The following CTXN1 variants were observed in gnomAD, a reference collection of about 807,000 sequenced individuals.
CTXN1 encodes the protein cortexin 1.
A neutral mutation model predicts 5.5 loss-of-function variants in CTXN1; 4 were observed. That is an observed-to-expected ratio of 0.73 (90% CI 0.36 to 1.68). The LOEUF (loss-of-function observed/expected upper bound fraction) is 1.68, where lower values mean the gene tolerates loss of function less well. CTXN1 is among the 40% of genes most tolerant of loss of function. The pLI, the probability that CTXN1 is intolerant of heterozygous loss-of-function variation, is 0.05. For missense variants in CTXN1, 111 were observed against 123.0 expected, an observed-to-expected ratio of 0.90 and a Z score of 0.46; for synonymous variants, 67 against 62.8, an observed-to-expected ratio of 1.07 and a Z score of -0.32.
In CTXN1 at chr19:7,925,774, C is replaced by T. The variant is rs1983766074; in HGVS notation, c.-21+193G>A. Among the ~76,000 whole-genome samples the T allele has an allele frequency of 6.6e-6, 1 of 151,488 alleles. No homozygotes were observed. Among genetic ancestry groups the T allele is most frequent in the East Asian group, 1.9e-4 (1 of 5,156 alleles). ...GCGGGGACCCAACTCTGGCCGTGCG[C>T]GCAGGTGGGGGCGCTGAGAGCCGGG... is the stretch of plus-strand genomic sequence containing the variant. On this transcript the variant is annotated intron_variant, in intron 1 of 1. Transcript: ENST00000318978. This position sits in a 1 kb window ranked among gnomAD's most constrained non-coding sequence, Gnocchi z 5.0.
rs1189402330 is a variant in CTXN1, at chr19:7,925,781, G to T, written c.-21+186C>A. Among the ~76,000 whole-genome samples, 1 of 151,470 alleles carries T rather than the reference G, an allele frequency of 6.6e-6. No individual in the cohort carries two copies. Among genetic ancestry groups the T allele is most frequent in the African/African-American group, 2.4e-5 (1 of 41,358 alleles). On this transcript the variant is annotated intron_variant, in intron 1 of 1. Coordinates refer to ENST00000318978, the MANE Select transcript of CTXN1 (RefSeq NM_206833.4). The surrounding 1 kb of genome is among the most constrained non-coding windows in gnomAD (Gnocchi z 5.0). ...CCCAACTCTGGCCGTGCGCGCAGGT[G>T]GGGGCGCTGAGAGCCGGGAAACGGA...
Position 7,925,370 on chromosome 19 carries a change from A to AG in CTXN1, c.168dup (p.Tyr57LeufsTer120), listed in dbSNP as rs1568291640. ...CAGGACGAGGCGGGCATGCGGCTGTAGGGGTCGAGCAGGATGCGCACGCAG... is the reference window on the plus strand; with the variant it reads ...CAGGACGAGGCGGGCATGCGGCTGTAGGGGGTCGAGCAGGATGCGCACGCAG... On this transcript the variant is annotated frameshift_variant, in exon 2 of 2. Transcript: ENST00000318978. LOFTEE classifies it high-confidence loss of function. This position sits in a 1 kb window ranked among gnomAD's most constrained non-coding sequence, Gnocchi z 5.0. 4.4e-6 allele frequency: 7 copies of AG among 1,581,434 alleles called. No individual in the cohort carries two copies. The highest frequency in any genetic ancestry group is 5.1e-6 in the Non-Finnish European group (6 of 1,169,280).
At position 7,925,063 on chromosome 19, in the gene CTXN1, G is replaced by A; in HGVS notation, c.*227C>T. 1 of 366,340 alleles carries A rather than the reference G, an allele frequency of 2.7e-6. No homozygotes were observed. The highest frequency in any genetic ancestry group is 4.9e-6 in the Non-Finnish European group (1 of 206,016). 22.7% of individuals were successfully genotyped at this position (366,340 alleles called of 1,614,324 possible). A position where few individuals can be genotyped will look rare whatever the true frequency, so the allele number is the denominator to read the frequency against. Reference sequence around the variant, plus strand: ...GGCGGGTGAGATGCGCAGAGAGGAAGGGACAGGGCGGATAAAGGCACGAGG... The same window carrying A: ...GGCGGGTGAGATGCGCAGAGAGGAAAGGACAGGGCGGATAAAGGCACGAGG... On this transcript the variant is annotated 3_prime_UTR_variant, in exon 2 of 2. Coordinates refer to ENST00000318978, the MANE Select transcript of CTXN1 (RefSeq NM_206833.4). This position sits in a 1 kb window ranked among gnomAD's most constrained non-coding sequence, Gnocchi z 5.0.
Position 7,925,541 on chromosome 19 carries a change from C to A in CTXN1, c.-3G>T. 1 of 1,406,330 alleles carries A rather than the reference C, an allele frequency of 7.1e-7. No homozygotes were observed. 87.1% of individuals were successfully genotyped at this position (1,406,330 alleles called of 1,614,324 possible). ...GACAGCGTCCACGTCGCGCTCATGG[C>A]TCACATCGCCGCGCGCCCTGCGGAG... On this transcript the variant is annotated 5_prime_UTR_variant, in exon 2 of 2. Transcript: ENST00000318978. This position sits in a 1 kb window ranked among gnomAD's most constrained non-coding sequence, Gnocchi z 5.0.
chr19:7,925,434 C>T lies in CTXN1; in HGVS notation c.105G>A (p.Val35=). ...DAEQRTVFAF[V]LCLLVVLVLL... The stretch of plus-strand genomic sequence containing the variant: ...GCACCAGCACCACGAGCAGGCAGAG[C>T]ACGAAGGCGAACACCGTGCGCTGCT... Residue 35 remains valine (V), a synonymous_variant, in exon 2 of 2, where the codon GTG becomes GTA. Transcript: ENST00000318978. The surrounding 1 kb of genome is among the most constrained non-coding windows in gnomAD (Gnocchi z 5.0). 2 of 1,586,782 alleles carry T rather than the reference C, an allele frequency of 1.3e-6. No homozygotes were observed. Among genetic ancestry groups the T allele is most frequent in the South Asian group, 2.3e-5 (2 of 88,690 alleles).
rs1983745708 is a variant in CTXN1, at chr19:7,925,248, CTGAGACCCCGGCGCAGGGCCGGCTAGG to C, written c.*15_*41del. On this transcript the variant is annotated 3_prime_UTR_variant, in exon 2 of 2. Coordinates refer to ENST00000318978, the MANE Select transcript of CTXN1 (RefSeq NM_206833.4). The surrounding 1 kb of genome is among the most constrained non-coding windows in gnomAD (Gnocchi z 5.0). ...CGGCGCCCCCCGCCGGGCCGGCCCTCTGAGACCCCGGCGCAGGGCCGGCTAGGGGGCGCCGCGCCCCTCACACCAACG... is the reference window on the plus strand; with the variant it reads ...CGGCGCCCCCCGCCGGGCCGGCCCTCGGGCGCCGCGCCCCTCACACCAACG... 2 of 1,271,162 alleles carry C rather than the reference CTGAGACCCCGGCGCAGGGCCGGCTAGG, an allele frequency of 1.6e-6. No individual in the cohort carries two copies. Among genetic ancestry groups the C allele is most frequent in the African/African-American group, 3.1e-5 (2 of 64,416 alleles). 78.7% of individuals were successfully genotyped at this position (1,271,162 alleles called of 1,614,324 possible).
Position 7,925,347 on chromosome 19 carries a change from G to A in CTXN1, c.192C>T (p.Ser64=), listed in dbSNP as rs1350115870. ...CGAGCGCCTCCTTGTGGTCGGTCCA[G>A]GACGAGGCGGGCATGCGGCTGTAGG... ...LDPYSRMPAS[S]WTDHKEALER... The change falls in exon 2 of 2, where the codon TCC becomes TCT. Residue 64 remains serine (S), a synonymous_variant. Coordinates refer to ENST00000318978, the MANE Select transcript of CTXN1 (RefSeq NM_206833.4). The surrounding 1 kb of genome is among the most constrained non-coding windows in gnomAD (Gnocchi z 5.0). 3.2e-6 allele frequency: 5 copies of A among 1,575,900 alleles called. No homozygotes were observed. Among genetic ancestry groups the A allele is most frequent in the Non-Finnish European group, 4.3e-6 (5 of 1,166,874 alleles).
In CTXN1 at chr19:7,925,227, G is replaced by A. The variant is rs936069640; in HGVS notation, c.*63C>T. On this transcript the variant is annotated 3_prime_UTR_variant, in exon 2 of 2. Transcript: ENST00000318978. This position sits in a 1 kb window ranked among gnomAD's most constrained non-coding sequence, Gnocchi z 5.0. ...CTGAGCGCAGTCCTGGCCCCGCGGC[G>A]CCCCCCGCCGGGCCGGCCCTCTGAG... 4.1e-5 allele frequency: 49 copies of A among 1,207,062 alleles called. No homozygotes were observed. The highest frequency in any genetic ancestry group is 5.0e-5 in the Non-Finnish European group (48 of 963,124). The allele number at this position is 1,207,062 out of a possible 1,614,324, so 74.8% of individuals were successfully genotyped here. A position where few individuals can be genotyped will look rare whatever the true frequency, so the allele number is the denominator to read the frequency against.
In CTXN1 at chr19:7,925,523, T is replaced by C; in HGVS notation, c.16A>G (p.Thr6Ala). The C allele has an allele frequency of 6.8e-7, 1 of 1,467,268 alleles. No homozygotes were observed. Among genetic ancestry groups the C allele is most frequent in the South Asian group, 1.3e-5 (1 of 76,400 alleles). The allele number at this position is 1,467,268 out of a possible 1,614,324, so 90.9% of individuals were successfully genotyped here. Residue 6 changes from threonine (T) to alanine (A), a missense_variant, in exon 2 of 2, where the codon ACG (threonine) becomes GCG (alanine). Physicochemically the swap from Thr to Ala is moderately conservative, Grantham distance 58. Coordinates refer to ENST00000318978, the MANE Select transcript of CTXN1 (RefSeq NM_206833.4). The surrounding 1 kb of genome is among the most constrained non-coding windows in gnomAD (Gnocchi z 5.0). The stretch of plus-strand genomic sequence containing the variant: ...GGCGGCAGGGGCTCCGGCGACAGCG[T>C]CCACGTCGCGCTCATGGCTCACATC... Reference protein sequence around the residue: MSATWTLSPEPLPPST... With the variant: MSATWALSPEPLPPST...
Position 7,925,881 on chromosome 19 carries a change from T to G in CTXN1, c.-21+86A>C. On this transcript the variant is annotated intron_variant, in intron 1 of 1. Transcript: ENST00000318978. This position sits in a 1 kb window ranked among gnomAD's most constrained non-coding sequence, Gnocchi z 5.0. The stretch of plus-strand genomic sequence containing the variant: ...GCCCGGGCGCGCGGCGTGGGGACGG[T>G]CCCCGCGGCCCCTGCCCCCGCTCCC... 1 of 165,602 alleles carries G rather than the reference T, an allele frequency of 6.0e-6. No homozygotes were observed. The highest frequency in any genetic ancestry group is 1.3e-5 in the Non-Finnish European group (1 of 78,954). 10.3% of individuals were successfully genotyped at this position (165,602 alleles called of 1,614,324 possible). A position where few individuals can be genotyped will look rare whatever the true frequency, so the allele number is the denominator to read the frequency against.
At position 7,925,091 on chromosome 19, in the gene CTXN1, G is replaced by A. The variant is rs1418297631; in HGVS notation, c.*199C>T. The A allele has an allele frequency of 7.7e-6, 3 of 389,606 alleles. No homozygotes were observed. The highest frequency in any genetic ancestry group is 1.3e-5 in the Non-Finnish European group (3 of 223,038). 24.1% of individuals were successfully genotyped at this position (389,606 alleles called of 1,614,324 possible). On this transcript the variant is annotated 3_prime_UTR_variant, in exon 2 of 2. Transcript: ENST00000318978. This position sits in a 1 kb window ranked among gnomAD's most constrained non-coding sequence, Gnocchi z 5.0. ...ACAGGGCGGATAAAGGCACGAGGTG[G>A]GGCTCCGGCCAGGCCAGGAAGGGAC...
chr19:7,925,580 C>A lies in CTXN1; in HGVS notation c.-20-22G>T. On this transcript the variant is annotated intron_variant, in intron 1 of 1. Coordinates refer to ENST00000318978, the MANE Select transcript of CTXN1 (RefSeq NM_206833.4). The surrounding 1 kb of genome is among the most constrained non-coding windows in gnomAD (Gnocchi z 5.0). ...CGCCCTGCGGAGGAGGGGACCCGCC[C>A]CGGGCGCCGGGGATGAGGCTGCGCC... 2 of 1,322,612 alleles carry A rather than the reference C, an allele frequency of 1.5e-6. No individual in the cohort carries two copies. Among genetic ancestry groups the A allele is most frequent in the South Asian group, 2.1e-5 (1 of 48,142 alleles). 81.9% of individuals were successfully genotyped at this position (1,322,612 alleles called of 1,614,324 possible). A position where few individuals can be genotyped will look rare whatever the true frequency, so the allele number is the denominator to read the frequency against.
chr19:7,925,526 A>C lies in CTXN1; in HGVS notation c.13T>G (p.Trp5Gly). The C allele has an allele frequency of 6.8e-7, 1 of 1,461,310 alleles. No homozygotes were observed. Among genetic ancestry groups the C allele is most frequent in the Non-Finnish European group, 9.0e-7 (1 of 1,110,780 alleles). 90.5% of individuals were successfully genotyped at this position (1,461,310 alleles called of 1,614,324 possible). A position where few individuals can be genotyped will look rare whatever the true frequency, so the allele number is the denominator to read the frequency against. Residue 5 changes from tryptophan to glycine, a missense_variant, in exon 2 of 2, where the codon TGG becomes GGG. Physicochemically the swap from Trp to Gly is radical, Grantham distance 184. Coordinates refer to ENST00000318978, the MANE Select transcript of CTXN1 (RefSeq NM_206833.4). This position sits in a 1 kb window ranked among gnomAD's most constrained non-coding sequence, Gnocchi z 5.0. Reference protein sequence around the residue: MSATWTLSPEPLPPS... With the variant: MSATGTLSPEPLPPS... ...GGCAGGGGCTCCGGCGACAGCGTCC[A>C]CGTCGCGCTCATGGCTCACATCGCC...
In CTXN1 at chr19:7,925,424, G is replaced by T; in HGVS notation, c.115C>A (p.Leu39Ile). ...RTVFAFVLCL[L>I]VVLVLLMVRC... The stretch of plus-strand genomic sequence containing the variant: ...ACCATCAACAGCACCAGCACCACGA[G>T]CAGGCAGAGCACGAAGGCGAACACC... Residue 39 changes from leucine (L) to isoleucine (I), a missense_variant, in exon 2 of 2, where the codon CTC becomes ATC. Leu to Ile is a conservative substitution (Grantham distance 5). Transcript: ENST00000318978. This position sits in a 1 kb window ranked among gnomAD's most constrained non-coding sequence, Gnocchi z 5.0. 1 of 1,588,112 alleles carries T rather than the reference G, an allele frequency of 6.3e-7. No homozygotes were observed. The highest frequency in any genetic ancestry group is 1.7e-4 in the Middle Eastern group (1 of 6,010).
chr19:7,925,638 C>CCTGCCG lies in CTXN1; in HGVS notation c.-20-86_-20-81dup. 1 of 1,177,620 alleles carries CCTGCCG rather than the reference C, an allele frequency of 8.5e-7. No homozygotes were observed. The allele number at this position is 1,177,620 out of a possible 1,614,324, so 72.9% of individuals were successfully genotyped here. A position where few individuals can be genotyped will look rare whatever the true frequency, so the allele number is the denominator to read the frequency against. Reference sequence around the variant, plus strand: ...CCGCGCCTCCTCCGCTTCGCCCCCTCCTGCCGCCGCCGCCGCCGCCTCCCT... The same window carrying CCTGCCG: ...CCGCGCCTCCTCCGCTTCGCCCCCTCCTGCCGCTGCCGCCGCCGCCGCCGCCTCCCT... On this transcript the variant is annotated intron_variant, in intron 1 of 1. Transcript: ENST00000318978. The surrounding 1 kb of genome is among the most constrained non-coding windows in gnomAD (Gnocchi z 5.0).
At position 7,925,238 on chromosome 19, in the gene CTXN1, G is replaced by A; in HGVS notation, c.*52C>T. ...CCTGGCCCCGCGGCGCCCCCCGCCG[G>A]GCCGGCCCTCTGAGACCCCGGCGCA... On this transcript the variant is annotated 3_prime_UTR_variant, in exon 2 of 2. Transcript: ENST00000318978. This position sits in a 1 kb window ranked among gnomAD's most constrained non-coding sequence, Gnocchi z 5.0. 3 of 1,251,110 alleles carry A rather than the reference G, an allele frequency of 2.4e-6. No individual in the cohort carries two copies. The highest frequency in any genetic ancestry group is 3.0e-6 in the Non-Finnish European group (3 of 998,084). 77.5% of individuals were successfully genotyped at this position (1,251,110 alleles called of 1,614,324 possible).
In CTXN1 at chr19:7,925,359, C is replaced by T; in HGVS notation, c.180G>A (p.Met60Ile). ...VRILLDPYSR[M>I]PASSWTDHKE... is the part of the protein sequence containing the mutation. ...TGTGGTCGGTCCAGGACGAGGCGGG[C>T]ATGCGGCTGTAGGGGTCGAGCAGGA... The change falls in exon 2 of 2, where the codon ATG becomes ATA. Residue 60 changes from methionine to isoleucine, a missense_variant. Met to Ile is a conservative substitution (Grantham distance 10, BLOSUM62 1). Coordinates refer to ENST00000318978, the MANE Select transcript of CTXN1 (RefSeq NM_206833.4). The surrounding 1 kb of genome is among the most constrained non-coding windows in gnomAD (Gnocchi z 5.0). The T allele has an allele frequency of 1.3e-6, 2 of 1,577,796 alleles. No homozygotes were observed. The highest frequency in any genetic ancestry group is 1.7e-4 in the Middle Eastern group (1 of 5,964).
rs1983761302 is a variant in CTXN1 at position 7,925,616 on chromosome 19, C to T, written c.-20-58G>A. On this transcript the variant is annotated intron_variant, in intron 1 of 1. Transcript: ENST00000318978. This position sits in a 1 kb window ranked among gnomAD's most constrained non-coding sequence, Gnocchi z 5.0. ...GGATGAGGCTGCGCCCTCCCTCCCG[C>T]GCCTCCTCCGCTTCGCCCCCTCCTG... The T allele has an allele frequency of 7.9e-7, 1 of 1,262,946 alleles. No individual in the cohort carries two copies. Among genetic ancestry groups the T allele is most frequent in the Non-Finnish European group, 1.0e-6 (1 of 1,002,114 alleles). 78.2% of individuals were successfully genotyped at this position (1,262,946 alleles called of 1,614,324 possible).
Position 7,925,278 on chromosome 19 carries a change from G to T in CTXN1, c.*12C>A, listed in dbSNP as rs746575134. On this transcript the variant is annotated 3_prime_UTR_variant, in exon 2 of 2. Coordinates refer to ENST00000318978, the MANE Select transcript of CTXN1 (RefSeq NM_206833.4). The surrounding 1 kb of genome is among the most constrained non-coding windows in gnomAD (Gnocchi z 5.0). ...ACCCCGGCGCAGGGCCGGCTAGGGG[G>T]CGCCGCGCCCCTCACACCAACGCGT... The T allele has an allele frequency of 1.5e-6, 2 of 1,364,544 alleles. No homozygotes were observed. Among genetic ancestry groups the T allele is most frequent in the African/African-American group, 1.5e-5 (1 of 67,170 alleles). The allele number at this position is 1,364,544 out of a possible 1,614,324, so 84.5% of individuals were successfully genotyped here.
Sources: gnomAD v4.1 joint callset for allele counts (sites outside exome capture counted in the v4.1 genomes callset) on GRCh38, gnomAD v4.1.1 for gene constraint, Gnocchi (gnomAD v3.1) non-coding constraint, MANE v1.5 for transcripts, NCBI Gene and HGNC (gene_info 2026-07-23, HGNC 2026-07-21) for gene names.